NCAM2: variants seen among roughly 807,000 people sequenced by gnomAD.
The protein encoded by NCAM2 is N-CAM-2.
In NCAM2, 30 loss-of-function variants were observed where a neutral mutation model predicts 98.1. The observed-to-expected ratio is 0.31, with a 90% CI of 0.23 to 0.41. NCAM2 has a LOEUF of 0.41. Among genes scored for constraint, NCAM2 ranks in the 10% least tolerant of loss-of-function variants. NCAM2 has a pLI of 1.00. For synonymous variants in NCAM2, 368 were observed against 342.4 expected (o/e 1.07, Z -0.83); for missense variants, 867 against 1,005.8 (o/e 0.86, Z 1.87).
intron 1 of NCAM2, among the ~76,000 whole-genome samples, chr21:21,137,500 C>T (rs1203212259): frequency 2.0e-5 from 3 of 152,066 alleles, no homozygotes; most frequent in East Asian, 1.9e-4. Context: ...AAATGTTGGC[C>T]GGGTGCTGTG....
At chr21:21,205,048 A>G (rs1372467325) in intron 1 of NCAM2, among the ~76,000 whole-genome samples, 1 of 152,038 alleles carries the variant, frequency 6.6e-6, no homozygotes, top group Non-Finnish European at 1.5e-5. Flanking sequence ...ATATATATGC[A>G]AGTGAACATT....
intron 15 of NCAM2, 86 bp downstream of exon 15, chr21:21,477,557 A>G: frequency 9.4e-7 from 1 of 1,064,818 alleles, no homozygotes; most frequent in East Asian, 2.8e-5. Context: ...CTTATTAATA[A>G]TTAAAACAAA....
rs556858531 is a variant in NCAM2, at chr21:21,379,230, A to C, written c.1195+5217A>C. 2.0e-5 allele frequency among the ~76,000 whole-genome samples: 3 copies of C among 152,076 alleles called. No individual in the cohort carries two copies. The South Asian group carries it at 6.2e-4, about 32-fold the overall frequency. On this transcript the variant is annotated intron_variant, in intron 9 of 17. Coordinates refer to ENST00000400546, the MANE Select transcript of NCAM2 (RefSeq NM_004540.5). ...TGTTAGCTTTCCATTTTGTTAATTCATATTTTCTATAATATGTCTGTTTTC... is the reference window on the plus strand; with the variant it reads ...TGTTAGCTTTCCATTTTGTTAATTCCTATTTTCTATAATATGTCTGTTTTC...
intron 15 of NCAM2, among the ~76,000 whole-genome samples, chr21:21,480,192 C>A (rs948855914): frequency 6.6e-6 from 1 of 151,746 alleles, no homozygotes; most frequent in South Asian, 2.1e-4. Flanking sequence ...CAGTGAAACC[C>A]CATCTCTACT....
chr21:21,348,728 A>G (rs2075256259), intron 8 of NCAM2, among the ~76,000 whole-genome samples: 1 of 152,154 alleles, frequency 6.6e-6, no homozygotes. Flanking sequence ...ATACTGGTGT[A>G]CACACAGATA....
At chr21:21,042,827 A>G (rs1414051461) in intron 1 of NCAM2, among the ~76,000 whole-genome samples, 1 of 152,216 alleles carries the variant, frequency 6.6e-6, no homozygotes, top group East Asian at 1.9e-4. Context: ...TCCTTGATTA[A>G]TAGGCTTAAA....
chr21:21,483,420 T>G (rs1017274322), intron 15 of NCAM2, among the ~76,000 whole-genome samples: 3 of 152,020 alleles, frequency 2.0e-5, no homozygotes, highest in Non-Finnish European at 4.4e-5. Flanking sequence ...TTCAGTTACT[T>G]TGTATTTTCA....
intron 1 of NCAM2, among the ~76,000 whole-genome samples, chr21:21,197,890 A>G (rs560410625): frequency 6.6e-6 from 1 of 152,150 alleles, no homozygotes; most frequent in African/African-American, 2.4e-5. Flanking sequence ...TGTGAAATGG[A>G]CAGCATTGCA....
intron 1 of NCAM2, among the ~76,000 whole-genome samples, chr21:21,025,705 A>G (rs74773053): frequency 0.059 from 8,911 of 152,196 alleles, 569 homozygotes; most frequent in African/African-American, 0.16. Flanking sequence ...AAGAAAAATA[A>G]TGGAAATAAC....
intron 1 of NCAM2, among the ~76,000 whole-genome samples, chr21:21,224,838 T>G (rs754009554): frequency 1.2e-4 from 18 of 152,124 alleles, no homozygotes; most frequent in Non-Finnish European, 2.2e-4. Flanking sequence ...ATAGAAAAGT[T>G]AGTTGCATAT....
At chr21:21,233,409 A>T (rs1370840427) in intron 1 of NCAM2, among the ~76,000 whole-genome samples, 2 of 151,526 alleles carry the variant, frequency 1.3e-5, no homozygotes, top group Non-Finnish European at 3.0e-5. Context: ...TCATTTTTTT[A>T]TTTTAATAGT....
intron 5 of NCAM2, among the ~76,000 whole-genome samples, chr21:21,303,868 C>A (rs1193628549): frequency 6.6e-6 from 1 of 152,030 alleles, no homozygotes; most frequent in African/African-American, 2.4e-5. Flanking sequence ...TTCCCTAATG[C>A]CTCAGGATGT....
chr21:21,375,215 CA>C (rs1347678056), intron 9 of NCAM2, among the ~76,000 whole-genome samples: 1 of 140,694 alleles, frequency 7.1e-6, no homozygotes, highest in Non-Finnish European at 1.5e-5. Context: ...AAAACAAAAA[CA>C]AAAACAAAAA....
intron 15 of NCAM2, among the ~76,000 whole-genome samples, chr21:21,497,717 C>T (rs188855627): frequency 6.6e-6 from 1 of 152,126 alleles, no homozygotes; most frequent in East Asian, 1.9e-4. Context: ...CATCTACCCC[C>T]TAAAGAATAA....
chr21:21,467,327 C>G (rs142142992), intron 13 of NCAM2, among the ~76,000 whole-genome samples: 2 of 149,220 alleles, frequency 1.3e-5, no homozygotes, highest in Non-Finnish European at 3.0e-5. Context: ...ATAATAAATA[C>G]GACTGAACCA....
At chr21:21,315,262 C>T (rs1418841485) in intron 5 of NCAM2, among the ~76,000 whole-genome samples, 1 of 152,104 alleles carries the variant, frequency 6.6e-6, no homozygotes, top group East Asian at 1.9e-4. Flanking sequence ...AAAATCTTAG[C>T]AATGTTTAGA....
intron 1 of NCAM2, among the ~76,000 whole-genome samples, chr21:21,154,472 G>C (rs1443695070): frequency 6.6e-6 from 1 of 151,438 alleles, no homozygotes; most frequent in African/African-American, 2.4e-5. Flanking sequence ...TTTTATATTA[G>C]TTAAAGATGC....
Position 21,480,337 on chromosome 21 carries a change from A to G in NCAM2, c.2077+2866A>G, listed in dbSNP as rs1214144490. Among the ~76,000 whole-genome samples, 8 of 144,772 alleles carry G rather than the reference A, an allele frequency of 5.5e-5. No individual in the cohort carries two copies. The South Asian group carries it at 1.5e-3, about 27-fold the overall frequency. The allele number at this position is 144,772 out of a possible 152,430, so 95.0% of individuals were successfully genotyped here. Reference sequence around the variant, plus strand: ...AGCCGAGATGGCGCCACTGCACTCCAGCCTGGGCGACAGAGCGAGACTCCA... The same window carrying G: ...AGCCGAGATGGCGCCACTGCACTCCGGCCTGGGCGACAGAGCGAGACTCCA... On this transcript the variant is annotated intron_variant, in intron 15 of 17. Coordinates refer to ENST00000400546, the MANE Select transcript of NCAM2 (RefSeq NM_004540.5).
Position 21,270,273 on chromosome 21 carries a change from C to T in NCAM2, c.56-10305C>T, listed in dbSNP as rs571619644. On this transcript the variant is annotated intron_variant, in intron 1 of 17. Coordinates refer to ENST00000400546, the MANE Select transcript of NCAM2 (RefSeq NM_004540.5). ...TTTAGTTTTAATTAAATATCACTCT[C>T]AAAGTAAGTGATGAGTGACCTGTTC... Among the ~76,000 whole-genome samples the T allele has an allele frequency of 4.6e-5, 7 of 152,238 alleles. No homozygotes were observed. The South Asian group carries it at 1.4e-3, about 32-fold the overall frequency.
Sources: allele counts gnomAD v4.1 joint callset (sites outside exome capture counted in the v4.1 genomes callset), GRCh38; gene constraint gnomAD v4.1.1; transcripts MANE v1.5; gene names NCBI Gene and HGNC (gene_info 2026-07-23, HGNC 2026-07-21).